NTN1: variants seen among roughly 807,000 people sequenced by gnomAD.
NTN1 encodes netrin 1, also known as netrin-1.
Under a neutral mutation model 54.2 loss-of-function variants are expected in NTN1, and 11 were observed. The ratio of observed to expected loss-of-function variants is 0.20; its 90% CI spans 0.13 to 0.34. The LOEUF is 0.34. Among genes scored for constraint, NTN1 ranks in the 10% least tolerant of loss-of-function variants. NTN1 has a pLI of 1.00. For synonymous variants in NTN1, 371 were observed against 382.0 expected (o/e 0.97, Z 0.33); for missense variants, 740 against 893.1 (o/e 0.83, Z 2.18).
At chr17:9,236,661 A>G (rs554955613) in intron 6 of NTN1, among the ~76,000 whole-genome samples, 79 of 152,310 alleles carry the variant, frequency 5.2e-4, no homozygotes, top group Non-Finnish European at 1.0e-3. Flanking sequence ...GTGGAAGGAC[A>G]AGGGCTGGTT....
At chr17:9,207,442 T>C in intron 5 of NTN1, among the ~76,000 whole-genome samples, 1 of 152,236 alleles carries the variant, frequency 6.6e-6, no homozygotes. Context: ...GTGCCTGTCA[T>C]GTCGGGCTTC....
rs1352823237 is a variant in NTN1, at chr17:9,242,946, T to C, written c.*2978T>C. ...GATGTAAAACGGAACTAGATTTTGATTTTGAAGAGTGTATTAACCAGAATT... is the reference window on the plus strand; with the variant it reads ...GATGTAAAACGGAACTAGATTTTGACTTTGAAGAGTGTATTAACCAGAATT... On this transcript the variant is annotated 3_prime_UTR_variant, in exon 7 of 7. Transcript: ENST00000173229. 1 of 152,164 alleles carries C rather than the reference T, an allele frequency of 6.6e-6. No individual in the cohort carries two copies. Among genetic ancestry groups the C allele is most frequent in the Non-Finnish European group, 1.5e-5 (1 of 68,038 alleles). 9.4% of individuals were successfully genotyped at this position (152,164 alleles called of 1,614,324 possible). A position where few individuals can be genotyped will look rare whatever the true frequency, so the allele number is the denominator to read the frequency against.
At chr17:9,113,362 G>A (rs565715681) in intron 2 of NTN1, among the ~76,000 whole-genome samples, 5 of 152,170 alleles carry the variant, frequency 3.3e-5, no homozygotes, top group African/African-American at 9.6e-5. Context: ...TATAAAAAAA[G>A]GGTACATACT....
chr17:9,229,080 CTGTGTG>C (rs368617356), intron 6 of NTN1, among the ~76,000 whole-genome samples: 1 of 149,568 alleles, frequency 6.7e-6, no homozygotes, highest in Non-Finnish European at 1.5e-5. Context: ...GTGTTTGTGA[CTGTGTG>C]TGTGACTGAG....
At chr17:9,217,131 T>G (rs1905233309) in intron 5 of NTN1, among the ~76,000 whole-genome samples, 1 of 152,088 alleles carries the variant, frequency 6.6e-6, no homozygotes. Context: ...TTCCCCTCCC[T>G]GGAGGAGGGA....
the NTN1 span, among the ~76,000 whole-genome samples, chr17:9,010,035 T>C: frequency 6.6e-6 from 1 of 152,180 alleles, no homozygotes. Context: ...CCCTTGGGAA[T>C]TTTTGGTGGT....
At chr17:9,201,538 A>G (rs752262543) in intron 5 of NTN1, among the ~76,000 whole-genome samples, 3 of 152,230 alleles carry the variant, frequency 2.0e-5, no homozygotes, top group Non-Finnish European at 4.4e-5. Context: ...GAGCTGGTGC[A>G]TGTTGGCTTC....
At chr17:9,078,852 G>A (rs894776820) in intron 2 of NTN1, among the ~76,000 whole-genome samples, 7 of 152,220 alleles carry the variant, frequency 4.6e-5, no homozygotes, top group Non-Finnish European at 1.0e-4. Context: ...GAGAAATGAT[G>A]CGGTTTGCTC....
chr17:9,090,143 G>A (rs890452827), intron 2 of NTN1, among the ~76,000 whole-genome samples: 5 of 151,896 alleles, frequency 3.3e-5, no homozygotes, highest in African/African-American at 1.2e-4. Context: ...TCTTTTGGTA[G>A]GAGCCGGGCT....
intron 2 of NTN1, among the ~76,000 whole-genome samples, chr17:9,036,141 G>C (rs1235073454): frequency 6.6e-6 from 1 of 152,162 alleles, no homozygotes; most frequent in African/African-American, 2.4e-5. Flanking sequence ...GATTACAGGC[G>C]TGAGCCACCA....
intron 5 of NTN1, among the ~76,000 whole-genome samples, chr17:9,187,230 G>T (rs1041850117): frequency 2.0e-5 from 3 of 152,126 alleles, no homozygotes; most frequent in Non-Finnish European, 4.4e-5. Flanking sequence ...GTGAGGACAG[G>T]CGTGGAGAGT....
chr17:9,187,460 G>A (rs761532637), intron 5 of NTN1, among the ~76,000 whole-genome samples: 9 of 152,042 alleles, frequency 5.9e-5, no homozygotes, highest in African/African-American at 1.4e-4. Context: ...GTCTATCATC[G>A]GATGAACAGA....
At chr17:9,062,085 A>G (rs2092000807) in intron 2 of NTN1, among the ~76,000 whole-genome samples, 1 of 152,188 alleles carries the variant, frequency 6.6e-6, no homozygotes, top group Admixed American at 6.5e-5. Context: ...GCAATCACTC[A>G]TTAAATCAGG....
At chr17:9,139,986 C>T (rs562122039) in intron 2 of NTN1, among the ~76,000 whole-genome samples, 15 of 152,192 alleles carry the variant, frequency 9.9e-5, no homozygotes, top group African/African-American at 3.6e-4. Context: ...AATAAAAGTT[C>T]AATCAACCCT....
chr17:9,047,208 T>G (rs775150401), intron 2 of NTN1, among the ~76,000 whole-genome samples: 1 of 152,234 alleles, frequency 6.6e-6, no homozygotes, highest in Non-Finnish European at 1.5e-5. Context: ...GGGTGGTAAT[T>G]TCTTAAAGTA....
the NTN1 span, among the ~76,000 whole-genome samples, chr17:9,007,902 T>G: frequency 6.6e-6 from 1 of 151,870 alleles, no homozygotes; most frequent in Non-Finnish European, 1.5e-5. Context: ...TGCAAATAAT[T>G]TATTATTATT....
At chr17:9,125,228 AT>A (rs143350408) in intron 2 of NTN1, among the ~76,000 whole-genome samples, 26,584 of 142,376 alleles carry the variant, frequency 0.19, 2,620 homozygotes, top group African/African-American at 0.26. Context: ...TGTTTGGCTA[AT>A]TTTTTTTTTT....
intron 2 of NTN1, among the ~76,000 whole-genome samples, chr17:9,148,345 A>T (rs549889067): frequency 6.6e-5 from 10 of 152,324 alleles, no homozygotes; most frequent in South Asian, 2.1e-4. Flanking sequence ...GAAAAACCCA[A>T]ACAGGACTCT....
intron 2 of NTN1, among the ~76,000 whole-genome samples, chr17:9,106,770 C>T (rs1366040366): frequency 6.6e-6 from 1 of 152,130 alleles, no homozygotes; most frequent in Non-Finnish European, 1.5e-5. Context: ...CCGCCTTGGC[C>T]TCCCAAAGTG....
Sources: allele counts gnomAD v4.1 joint callset (sites outside exome capture counted in the v4.1 genomes callset), GRCh38; gene constraint gnomAD v4.1.1; transcripts MANE v1.5; gene names NCBI Gene and HGNC (gene_info 2026-07-23, HGNC 2026-07-21).